The following LRRC1 variants were observed in gnomAD, a reference collection of about 807,000 sequenced individuals.
LRRC1 encodes leucine-rich repeat-containing protein 1.
LRRC1 carries 28 observed loss-of-function variants against 69.9 expected under a neutral mutation model. That is an observed-to-expected ratio of 0.40 (90% CI 0.30 to 0.55). The LOEUF (loss-of-function observed/expected upper bound fraction) is 0.55, where lower values mean the gene tolerates loss of function less well. LRRC1 is among the 20% of genes least tolerant of loss of function. LRRC1 has a pLI of 0.47. For missense variants in LRRC1, 498 were observed against 609.0 expected (o/e 0.82, Z 1.92); for synonymous variants, 236 against 240.2 (o/e 0.98, Z 0.16).
intron 4 of LRRC1, among the ~76,000 whole-genome samples, chr6:53,883,532 AC>A (rs1412069420): frequency 1.3e-5 from 2 of 152,202 alleles, no homozygotes; most frequent in African/African-American, 4.8e-5. Flanking sequence ...GTTGTGGAGA[AC>A]CTAGTCATGG....
At chr6:53,919,229 C>CTCTTTTTTTTTTT (rs1467923075) in intron 11 of LRRC1, 2 of 72,272 alleles carry the variant, frequency 2.8e-5, no homozygotes, top group Non-Finnish European at 2.6e-5. Flanking sequence ...TTTTCTCTCT[C>CTCTTTTTTTTTTT]TTTTTTTTTT....
chr6:53,837,251 C>T (rs9296719), intron 1 of LRRC1, among the ~76,000 whole-genome samples: 125,941 of 151,786 alleles, frequency 0.83, 52,446 homozygotes, highest in East Asian at 0.96. Flanking sequence ...AGTAGTATAA[C>T]TTCTGGGTAA....
At chr6:53,864,321 AC>A (rs1416354731) in intron 2 of LRRC1, among the ~76,000 whole-genome samples, 6 of 151,528 alleles carry the variant, frequency 4.0e-5, no homozygotes, top group Non-Finnish European at 8.8e-5. Flanking sequence ...CTGCTCATCC[AC>A]CCCCATCTCT....
intron 2 of LRRC1, among the ~76,000 whole-genome samples, chr6:53,866,256 T>G (rs1766700173): frequency 1.3e-5 from 2 of 152,210 alleles, no homozygotes; most frequent in African/African-American, 4.8e-5. Context: ...ATTCTCACTT[T>G]ACCTCTCAGT....
rs79249216 is a variant in LRRC1, at chr6:53,890,696, C to T, written c.447-5802C>T. ...AAAAAGTTTTCTAGAGCAAAGCCAC[C>T]GTAAGAAAGTTTGTAACCAGAGGTT... is the stretch of plus-strand genomic sequence containing the variant. On this transcript the variant is annotated intron_variant, in intron 4 of 13. Transcript: ENST00000370888. Among the ~76,000 whole-genome samples, 37 of 151,986 alleles carry T rather than the reference C, an allele frequency of 2.4e-4. No individual in the cohort carries two copies. The East Asian group carries it at 5.8e-3, about 24-fold the overall frequency.
At chr6:53,833,358 G>A (rs1765485963) in intron 1 of LRRC1, among the ~76,000 whole-genome samples, 2 of 152,116 alleles carry the variant, frequency 1.3e-5, no homozygotes, top group Non-Finnish European at 2.9e-5. Context: ...AATTATGGGG[G>A]GCAACCTTGG....
chr6:53,800,169 A>G (rs1339265143), intron 1 of LRRC1, among the ~76,000 whole-genome samples: 1 of 152,166 alleles, frequency 6.6e-6, no homozygotes, highest in African/African-American at 2.4e-5. Flanking sequence ...GTGTCAGCAC[A>G]GAGTTAGCTC....
intron 2 of LRRC1, among the ~76,000 whole-genome samples, chr6:53,861,894 T>A (rs1766538215): frequency 6.6e-6 from 1 of 152,158 alleles, no homozygotes; most frequent in African/African-American, 2.4e-5. Context: ...ATAGATCCTA[T>A]TTGGAAAGAT....
chr6:53,903,471 A>G (rs1040863764), intron 9 of LRRC1, among the ~76,000 whole-genome samples: 2 of 151,768 alleles, frequency 1.3e-5, no homozygotes, highest in African/African-American at 4.8e-5. Context: ...TTTAGTTGTC[A>G]TATAGCACTC....
At chr6:53,874,756 A>C (rs1767010457) in intron 2 of LRRC1, among the ~76,000 whole-genome samples, 1 of 152,222 alleles carries the variant, frequency 6.6e-6, no homozygotes, top group Non-Finnish European at 1.5e-5. Context: ...AAATCTTTCT[A>C]TTTTAGCCAT....
chr6:53,912,317 A>C (rs9474682), intron 10 of LRRC1, among the ~76,000 whole-genome samples: 1 of 152,232 alleles, frequency 6.6e-6, no homozygotes, highest in South Asian at 2.1e-4. Context: ...TGAAGACTCA[A>C]TGGAGGAATA....
chr6:53,920,611 CTT>C lies in LRRC1; in HGVS notation c.1280-12_1280-11del. On this transcript the variant is annotated splice_polypyrimidine_tract_variant and intron_variant, in intron 12 of 13. Transcript: ENST00000370888. ...AAACGCAATTCCCTGCTTATGTGGTCTTTGTCACTGCAGAGAATCTGCCTCGC... is the reference window on the plus strand; with the variant it reads ...AAACGCAATTCCCTGCTTATGTGGTCTGTCACTGCAGAGAATCTGCCTCGC... 6.2e-7 allele frequency: 1 copy of C among 1,614,106 alleles called. No individual in the cohort carries two copies. Among genetic ancestry groups the C allele is most frequent in the Non-Finnish European group, 8.5e-7 (1 of 1,179,980 alleles).
chr6:53,867,880 G>T (rs1486339699), intron 2 of LRRC1, among the ~76,000 whole-genome samples: 2 of 150,456 alleles, frequency 1.3e-5, no homozygotes, highest in Non-Finnish European at 2.9e-5. Context: ...TTGGAGCCTC[G>T]AGATCAAGGC....
At chr6:53,889,361 A>G (rs182949761) in intron 4 of LRRC1, among the ~76,000 whole-genome samples, 36 of 152,268 alleles carry the variant, frequency 2.4e-4, no homozygotes, top group Admixed American at 2.2e-3. Flanking sequence ...CTAGCTATGT[A>G]TACTCAAAAG....
intron 7 of LRRC1, among the ~76,000 whole-genome samples, chr6:53,898,451 G>A (rs1767941681): frequency 2.0e-5 from 3 of 152,194 alleles, no homozygotes; most frequent in African/African-American, 4.8e-5. Context: ...AAGGGGAAAG[G>A]AAAGAGGTGT....
At chr6:53,845,901 G>A (rs1765927887) in intron 2 of LRRC1, among the ~76,000 whole-genome samples, 1 of 152,178 alleles carries the variant, frequency 6.6e-6, no homozygotes, top group Non-Finnish European at 1.5e-5. Context: ...GCAGCTTCCT[G>A]TGGTTAGGAG....
chr6:53,852,581 G>A (rs1562044199), intron 2 of LRRC1, among the ~76,000 whole-genome samples: 1 of 152,170 alleles, frequency 6.6e-6, no homozygotes. Context: ...GTTGTCATGT[G>A]CCCCAAATCA....
chr6:53,903,546 TA>T (rs1321109497), intron 9 of LRRC1, among the ~76,000 whole-genome samples: 1 of 152,190 alleles, frequency 6.6e-6, no homozygotes. Flanking sequence ...ATTTTTTTTT[TA>T]CTCTCTTTTC....
chr6:53,904,379 A>G lies in LRRC1; in HGVS notation c.907A>G (p.Thr303Ala), dbSNP rs1289235182. ...AATAGTGAAATTGTTATTTTAACAG[A>G]CCCTGCCTAAAAGCATTGGAAAACT... ...ELVLTENQLL[T>A]LPKSIGKLKK... The change falls in exon 10 of 14, where the codon ACC (threonine) becomes GCC (alanine). Residue 303 changes from threonine to alanine, a missense_variant and splice_region_variant. By Grantham distance (58) the Thr-to-Ala change is moderately conservative. Transcript: ENST00000370888. 8 of 1,597,228 alleles carry G rather than the reference A, an allele frequency of 5.0e-6. No individual in the cohort carries two copies. In the South Asian group the frequency reaches 9.0e-5, roughly 18 times the overall value.
Sources: allele counts gnomAD v4.1 joint callset (sites outside exome capture counted in the v4.1 genomes callset), GRCh38; gene constraint gnomAD v4.1.1; transcripts MANE v1.5; gene names NCBI Gene and HGNC (gene_info 2026-07-23, HGNC 2026-07-21).